Variants in SGCZ observed in about 807,000 individuals in gnomAD.
SGCZ encodes sarcoglycan zeta.
SGCZ carries 40 observed loss-of-function variants against 41.3 expected under a neutral mutation model. The observed-to-expected ratio is 0.97, with a 90% CI of 0.75 to 1.26. SGCZ has a LOEUF of 1.26. SGCZ is among the 50% of genes most tolerant of loss of function. SGCZ has a pLI of 0.00. For missense variants in SGCZ, 552 were observed against 369.8 expected, an observed-to-expected ratio of 1.49 and a Z score of -4.04; for synonymous variants, 206 against 137.5, an observed-to-expected ratio of 1.50 and a Z score of -3.49.
intron 4 of SGCZ, among the ~76,000 whole-genome samples, chr8:14,191,652 G>A (rs1235249724): frequency 6.6e-6 from 1 of 152,166 alleles, no homozygotes; most frequent in Non-Finnish European, 1.5e-5. Flanking sequence ...TGGCCAGTTG[G>A]TTATATGTGC....
intron 1 of SGCZ, among the ~76,000 whole-genome samples, chr8:14,840,462 T>A (rs1360519060): frequency 2.0e-5 from 3 of 152,072 alleles, no homozygotes; most frequent in Non-Finnish European, 2.9e-5. Context: ...CAACGTTCCG[T>A]GGCCAGGAAA....
At chr8:14,469,202 T>A (rs953584702) in intron 2 of SGCZ, among the ~76,000 whole-genome samples, 1 of 152,134 alleles carries the variant, frequency 6.6e-6, no homozygotes, top group Admixed American at 6.6e-5. Flanking sequence ...AGATTTTAAA[T>A]TTCACCATCT....
intron 1 of SGCZ, among the ~76,000 whole-genome samples, chr8:14,815,530 A>G (rs540840034): frequency 6.6e-6 from 1 of 152,174 alleles, no homozygotes; most frequent in Non-Finnish European, 1.5e-5. Flanking sequence ...ATAAATCACT[A>G]TGAATTCTTT....
intron 1 of SGCZ, among the ~76,000 whole-genome samples, chr8:14,820,967 A>T (rs1355230087): frequency 1.3e-5 from 2 of 151,710 alleles, no homozygotes; most frequent in African/African-American, 4.8e-5. Context: ...TGGTTGAAGG[A>T]AGGAAATAAT....
At chr8:14,881,330 T>C (rs374811534) in intron 1 of SGCZ, among the ~76,000 whole-genome samples, 2 of 152,274 alleles carry the variant, frequency 1.3e-5, no homozygotes, top group South Asian at 2.1e-4. Flanking sequence ...TTATTTGTTT[T>C]TTCCTTTGCT....
intron 2 of SGCZ, among the ~76,000 whole-genome samples, chr8:14,492,515 A>T (rs893770270): frequency 1.3e-5 from 2 of 152,178 alleles, no homozygotes; most frequent in Admixed American, 6.5e-5. Context: ...TGCAACTCTA[A>T]ATAAGGCCCA....
At chr8:14,516,907 A>G (rs998890823) in intron 2 of SGCZ, among the ~76,000 whole-genome samples, 1 of 152,062 alleles carries the variant, frequency 6.6e-6, no homozygotes, top group Non-Finnish European at 1.5e-5. Context: ...CCAAGAGTAT[A>G]TGGAAACACT....
At chr8:14,388,244 G>A (rs1407689029) in intron 2 of SGCZ, among the ~76,000 whole-genome samples, 1 of 151,844 alleles carries the variant, frequency 6.6e-6, no homozygotes, top group East Asian at 1.9e-4. Context: ...AGAGATCAAA[G>A]ACAAAATTTC....
intron 2 of SGCZ, among the ~76,000 whole-genome samples, chr8:14,499,003 A>C (rs1275275698): frequency 6.6e-6 from 1 of 151,782 alleles, no homozygotes; most frequent in Non-Finnish European, 1.5e-5. Flanking sequence ...TATTCTCTTT[A>C]AATTTGGTGA....
At chr8:15,111,976 C>A (rs1807082981) in intron 1 of SGCZ, among the ~76,000 whole-genome samples, 1 of 151,706 alleles carries the variant, frequency 6.6e-6, no homozygotes, top group Admixed American at 6.6e-5. Flanking sequence ...GCGTTTTGTT[C>A]AATTCTTTGT....
chr8:14,493,011 A>G (rs1585589369), intron 2 of SGCZ, among the ~76,000 whole-genome samples: 1 of 152,126 alleles, frequency 6.6e-6, no homozygotes, highest in Non-Finnish European at 1.5e-5. Context: ...AACCTGGGCT[A>G]TGGTGACCAC....
intron 2 of SGCZ, among the ~76,000 whole-genome samples, chr8:14,432,914 C>CAAAAAAAAAAAAAAAAAAAAAAA (rs767979164): frequency 1.3e-5 from 1 of 75,604 alleles, no homozygotes; most frequent in Non-Finnish European, 2.5e-5. Context: ...ACTGTGTCTC[C>CAAAAAAAAAAAAAAAAAAAAAAA]AAAAAAAAAA....
chr8:14,121,724 T>C (rs1035200251), intron 5 of SGCZ, among the ~76,000 whole-genome samples: 2 of 152,132 alleles, frequency 1.3e-5, no homozygotes, highest in African/African-American at 2.4e-5. Flanking sequence ...AGAGGACATA[T>C]AATATAACCA....
chr8:15,160,366 C>T (rs1445293486), intron 1 of SGCZ, among the ~76,000 whole-genome samples: 9 of 152,086 alleles, frequency 5.9e-5, no homozygotes, highest in Admixed American at 2.0e-4. Context: ...ATATCTACTC[C>T]GCTGTGTTTA....
intron 2 of SGCZ, among the ~76,000 whole-genome samples, chr8:14,476,221 GGA>G (rs1164583633): frequency 2.0e-5 from 3 of 152,078 alleles, no homozygotes; most frequent in Middle Eastern, 3.2e-3. Context: ...TCAAGAATCA[GGA>G]GTAAAAGAGG....
chr8:14,928,138 G>A (rs1799814176), intron 1 of SGCZ, among the ~76,000 whole-genome samples: 1 of 152,122 alleles, frequency 6.6e-6, no homozygotes, highest in African/African-American at 2.4e-5. Context: ...TCAAAGCCAT[G>A]TTGCAGATAA....
At chr8:14,778,896 G>A (rs937861805) in intron 1 of SGCZ, among the ~76,000 whole-genome samples, 3 of 152,126 alleles carry the variant, frequency 2.0e-5, no homozygotes, top group Admixed American at 6.6e-5. Flanking sequence ...ATCGCCATTC[G>A]TGAAAACACA....
intron 1 of SGCZ, among the ~76,000 whole-genome samples, chr8:14,919,408 T>G (rs897540188): frequency 3.9e-5 from 6 of 152,112 alleles, no homozygotes; most frequent in African/African-American, 1.4e-4. Flanking sequence ...ACCACTGCAC[T>G]CTAGCCTGAA....
At chr8:14,318,390 C>T (rs561332462) in intron 3 of SGCZ, among the ~76,000 whole-genome samples, 5 of 151,968 alleles carry the variant, frequency 3.3e-5, no homozygotes, top group South Asian at 2.1e-4. Flanking sequence ...TTTCATAATA[C>T]AAGTTTATGA....
Sources: gnomAD v4.1 joint callset for allele counts (sites outside exome capture counted in the v4.1 genomes callset) on GRCh38, gnomAD v4.1.1 for gene constraint, MANE v1.5 for transcripts, NCBI Gene and HGNC (gene_info 2026-07-23, HGNC 2026-07-21) for gene names.